IGFALS: variants seen among roughly 807,000 people sequenced by gnomAD.
The protein encoded by IGFALS is insulin like growth factor binding protein acid labile subunit, also known as insulin-like growth factor-binding protein complex acid labile subunit.
In IGFALS, 2 loss-of-function variants were observed where a neutral mutation model predicts 2.6. The observed-to-expected ratio is 0.77, with a 90% CI of 0.32 to 2.44. IGFALS has a LOEUF of 2.44. Ranked by LOEUF, IGFALS falls within the 30% of genes most tolerant of loss-of-function variation. The pLI is 0.11. For synonymous variants in IGFALS, 519 were observed against 431.9 expected, an observed-to-expected ratio of 1.20 and a Z score of -2.50; for missense variants, 996 against 848.7, an observed-to-expected ratio of 1.17 and a Z score of -2.16.
chr16:1,791,464 C>A lies in IGFALS; in HGVS notation c.954G>T (p.Glu318Asp), dbSNP rs1357709177. The change falls in exon 2 of 2, where the codon GAG becomes GAT. Residue 318 changes from glutamate to aspartate, a missense_variant. Transcript: ENST00000215539. ...GGATGCGGTTGTGGCCCAGCTGCAG[C>A]TCCTCCAGGAAGTGCAGGTCCTTGA... ...RTFKDLHFLE[E>D]LQLGHNRIRQ... The A allele has an allele frequency of 6.2e-7, 1 of 1,612,340 alleles. No individual in the cohort carries two copies. Among genetic ancestry groups the A allele is most frequent in the Non-Finnish European group, 8.5e-7 (1 of 1,179,854 alleles).
At chr16:1,792,595 G>A (rs1897259892) in intron 1 of IGFALS, 194 bp from the exon 2 acceptor site, 19 of 1,083,318 alleles carry the variant, frequency 1.8e-5, no homozygotes, top group Non-Finnish European at 2.3e-5. Context: ...CCATGGGACA[G>A]AGGAGTGGCC....
Position 1,792,271 on chromosome 16 carries a change from G to GT in IGFALS, c.146dup (p.Tyr49Ter). ...CGCTGAGCTCATCCGCGTCGTCATC[G>GT]TAGCTGCAGACACAGGCGGCCGGGC... ...PACPAACVCS[Y>*]DDDADELSVF... Residue 49 changes from tyrosine to a stop codon, truncating the protein, a stop_gained and frameshift_variant, in exon 2 of 2, where the codon TAC becomes TAAC. Transcript: ENST00000215539. LOFTEE classifies it low-confidence loss of function (END_TRUNC). The GT allele has an allele frequency of 6.2e-7, 1 of 1,600,808 alleles. No homozygotes were observed. Among genetic ancestry groups the GT allele is most frequent in the African/African-American group, 1.3e-5 (1 of 75,030 alleles).
chr16:1,791,266 G>A lies in IGFALS; in HGVS notation c.1152C>T (p.Gly384=), dbSNP rs772876504. Reference sequence around the variant, plus strand: ...GGTGCAGGCTGTGCAGCTTGCCCAGGCCCCGGAACACCTGCTCCGGAAGGT... The same window carrying A: ...GGTGCAGGCTGTGCAGCTTGCCCAGACCCCGGAACACCTGCTCCGGAAGGT... ...LRNLPEQVFR[G]LGKLHSLHLE... is the part of the protein sequence containing the mutation. Residue 384 remains glycine, a synonymous_variant, in exon 2 of 2, where the codon GGC becomes GGT. Transcript: ENST00000215539. 24 of 1,609,082 alleles carry A rather than the reference G, an allele frequency of 1.5e-5. No homozygotes were observed. The highest frequency in any genetic ancestry group is 2.2e-5 in the East Asian group (1 of 44,880).
chr16:1,791,385 G>T lies in IGFALS; in HGVS notation c.1033C>A (p.Leu345Ile), dbSNP rs745488733. Residue 345 changes from leucine (L) to isoleucine (I), a missense_variant, in exon 2 of 2, where the codon CTA (leucine) becomes ATA (isoleucine). Coordinates refer to ENST00000215539, the MANE Select transcript of IGFALS (RefSeq NM_004970.3). Reference sequence around the variant, plus strand: ...ACCTCCTGGAGCTGGTTGTGGTCTAGCGTGAGCACCTCAAGCTGCCCCAGG... The same window carrying T: ...ACCTCCTGGAGCTGGTTGTGGTCTATCGTGAGCACCTCAAGCTGCCCCAGG... ...EGLGQLEVLT[L>I]DHNQLQEVKA... 4 of 1,610,088 alleles carry T rather than the reference G, an allele frequency of 2.5e-6. No individual in the cohort carries two copies. The highest frequency in any genetic ancestry group is 3.3e-5 in the Admixed American group (2 of 60,028).
Position 1,792,449 on chromosome 16 carries a change from G to A in IGFALS, c.17-48C>T, listed in dbSNP as rs776163888. The stretch of plus-strand genomic sequence containing the variant: ...AGGCGGCCCGAGGAGGGCTCTGCCC[G>A]AGTGAGCCTGATACCAGCACAGCCG... On this transcript the variant is annotated intron_variant, in intron 1 of 1. Coordinates refer to ENST00000215539, the MANE Select transcript of IGFALS (RefSeq NM_004970.3). 1.3e-5 allele frequency: 20 copies of A among 1,496,036 alleles called. 1 individual carries two copies. Among genetic ancestry groups the A allele is most frequent in the Middle Eastern group, 1.8e-4 (1 of 5,486 alleles). 92.7% of individuals were successfully genotyped at this position (1,496,036 alleles called of 1,614,324 possible).
chr16:1,792,010 G>A lies in IGFALS; in HGVS notation c.408C>T (p.Ser136=). 1 of 1,609,314 alleles carries A rather than the reference G, an allele frequency of 6.2e-7. No homozygotes were observed. The part of the protein sequence containing the change: ...HLHLERNQLR[S]LALGTFAHTP... ...TGTGTGCAAACGTGCCGAGTGCCAG[G>A]CTGCGCAGCTGGTTCCGCTCCAGGT... Residue 136 remains serine, a synonymous_variant, in exon 2 of 2, where the codon AGC becomes AGT. Transcript: ENST00000215539.
Position 1,791,989 on chromosome 16 carries a change from T to C in IGFALS, c.429A>G (p.Ala143=). 1 of 1,607,822 alleles carries C rather than the reference T, an allele frequency of 6.2e-7. No homozygotes were observed. Among genetic ancestry groups the C allele is most frequent in the South Asian group, 1.1e-5 (1 of 90,522 alleles). ...CGAGCGAGGCCAGCGCGGGCGTGTG[T>C]GCAAACGTGCCGAGTGCCAGGCTGC... ...QLRSLALGTF[A]HTPALASLGL... Residue 143 remains alanine, a synonymous_variant, in exon 2 of 2, where the codon GCA becomes GCG. Coordinates refer to ENST00000215539, the MANE Select transcript of IGFALS (RefSeq NM_004970.3).
upstream of IGFALS, chr16:1,793,757 G>A: frequency 8.1e-7 from 1 of 1,236,068 alleles, no homozygotes; most frequent in Non-Finnish European, 1.1e-6. Context: ...GCCCGCGCCT[G>A]TCACCTGGCT....
chr16:1,794,231 C>T (rs1897289600), upstream of IGFALS, among the ~76,000 whole-genome samples: 3 of 152,192 alleles, frequency 2.0e-5, no homozygotes, highest in South Asian at 6.2e-4. Context: ...GCTTCAGGCC[C>T]ACGGTGCTGT....
At position 1,793,643 on chromosome 16, in the gene IGFALS, T is replaced by A; in HGVS notation, c.10A>T (p.Arg4Trp). The A allele has an allele frequency of 6.3e-7, 1 of 1,597,042 alleles. No homozygotes were observed. The highest frequency in any genetic ancestry group is 1.1e-5 in the South Asian group (1 of 88,676). The change falls in exon 1 of 2, where the codon AGG becomes TGG. Residue 4 changes from arginine (R) to tryptophan (W), a missense_variant. By Grantham distance (101) the Arg-to-Trp change is moderately radical. Coordinates refer to ENST00000215539, the MANE Select transcript of IGFALS (RefSeq NM_004970.3). MALRKGGLALALLL... is the reference protein window; with the variant it reads MALWKGGLALALLL... ...GGGCACTCGGGGGCCTCACCTTTCC[T>A]CAGGGCCATCCTGCATGCAGGGCAG...
chr16:1,793,711 C>G (rs545739444), upstream of IGFALS: 1 of 1,516,618 alleles, frequency 6.6e-7, no homozygotes, highest in African/African-American at 1.4e-5. Flanking sequence ...GCTGTGCCGG[C>G]CACCCCTGCC....
At chr16:1,793,865 G>A (rs1897283684), upstream of IGFALS, 2 of 442,944 alleles carry the variant, frequency 4.5e-6, no homozygotes, top group Non-Finnish European at 8.0e-6. Flanking sequence ...GGGGGTGAGG[G>A]AGCTTCAGTC....
rs374593776 is a variant in IGFALS, at chr16:1,791,870, G to A, written c.548C>T (p.Ala183Val). Residue 183 changes from alanine (A) to valine (V), a missense_variant, in exon 2 of 2, where the codon GCG becomes GTG. Physicochemically the swap from Ala to Val is moderately conservative, Grantham distance 64. Transcript: ENST00000215539. ...GCGGAACGCCGCATCGGGGAGCACC[G>A]CCAGGCTATTCCAGCCGAGGTTGAG... ...WDLNLGWNSL[A>V]VLPDAAFRGL... The A allele has an allele frequency of 4.1e-5, 64 of 1,559,904 alleles. No homozygotes were observed. The highest frequency in any genetic ancestry group is 2.2e-4 in the African/African-American group (16 of 73,744).
In IGFALS at chr16:1,792,320, G is replaced by A. The variant is rs571191043; in HGVS notation, c.98C>T (p.Pro33Leu). The A allele has an allele frequency of 1.1e-4, 173 of 1,596,208 alleles. No homozygotes were observed. The highest frequency in any genetic ancestry group is 1.3e-4 in the Non-Finnish European group (154 of 1,178,024). The change falls in exon 2 of 2, where the codon CCG becomes CTG. Residue 33 changes from proline to leucine, a missense_variant. By Grantham distance (98) the Pro-to-Leu change is moderately conservative. Coordinates refer to ENST00000215539, the MANE Select transcript of IGFALS (RefSeq NM_004970.3). Reference protein sequence around the residue: ...RSLEGADPGTPGEAEGPACPA... With the variant: ...RSLEGADPGTLGEAEGPACPA... ...GCACGCTGGGCCCTCGGCTTCCCCC[G>A]GCGTTCCGGGGTCTGCTCCCTCCAG...
In IGFALS at chr16:1,791,514, T is replaced by C. The variant is rs986831991; in HGVS notation, c.904A>G (p.Ile302Val). 1 of 1,603,524 alleles carries C rather than the reference T, an allele frequency of 6.2e-7. No individual in the cohort carries two copies. Among genetic ancestry groups the C allele is most frequent in the African/African-American group, 1.3e-5 (1 of 74,794 alleles). ...LRVLRLSHNA[I>V]ASLRPRTFKD... ...AAGGTGCGGGGCCGCAGGCTGGCGA[T>C]GGCGTTGTGGGACAGCCGCAGCACA... Residue 302 changes from isoleucine to valine, a missense_variant, in exon 2 of 2, where the codon ATC becomes GTC. By Grantham distance (29) the Ile-to-Val change is conservative. Coordinates refer to ENST00000215539, the MANE Select transcript of IGFALS (RefSeq NM_004970.3).
Position 1,790,914 on chromosome 16 carries a change from A to C in IGFALS, c.1504T>G (p.Leu502Val). 6.3e-7 allele frequency: 1 copy of C among 1,588,770 alleles called. No individual in the cohort carries two copies. The highest frequency in any genetic ancestry group is 1.3e-5 in the African/African-American group (1 of 74,744). Residue 502 changes from leucine to valine, a missense_variant, in exon 2 of 2, where the codon TTG (leucine) becomes GTG (valine). Leu to Val is a conservative substitution (Grantham distance 32). Transcript: ENST00000215539. ...TAGCGCAGCCGCCCCAGTGGTGCCA[A>C]GAGGCTGTTGGGCAATGCCTCCAGG... is the stretch of plus-strand genomic sequence containing the variant. ...NRLEALPNSL[L>V]APLGRLRYLS...
chr16:1,793,437 C>G (rs1242760900), intron 1 of IGFALS, among the ~76,000 whole-genome samples, 200 bp downstream of exon 1: 1 of 152,096 alleles, frequency 6.6e-6, no homozygotes, highest in East Asian at 1.9e-4. Context: ...ACAGAGACCC[C>G]TGGTGCCAGG....
Position 1,792,121 on chromosome 16 carries a change from G to C in IGFALS, c.297C>G (p.Ser99Arg). 6.2e-7 allele frequency: 1 copy of C among 1,611,380 alleles called. No homozygotes were observed. Among genetic ancestry groups the C allele is most frequent in the Non-Finnish European group, 8.5e-7 (1 of 1,179,604 alleles). ...VPPAAFQNLSSLGFLNLQGGQ... is the reference protein window; with the variant it reads ...VPPAAFQNLSRLGFLNLQGGQ... ...CGCCCTGCAGGTTGAGGAAGCCCAG[G>C]CTGGAGAGGTTCTGGAAGGCTGCCG... The change falls in exon 2 of 2, where the codon AGC (serine) becomes AGG (arginine). Residue 99 changes from serine to arginine, a missense_variant. Physicochemically the swap from Ser to Arg is moderately radical, Grantham distance 110 (BLOSUM62 -1). Transcript: ENST00000215539.
chr16:1,792,017 A>T lies in IGFALS; in HGVS notation c.401T>A (p.Leu134Gln). The T allele has an allele frequency of 6.2e-7, 1 of 1,609,950 alleles. No homozygotes were observed. Among genetic ancestry groups the T allele is most frequent in the South Asian group, 1.1e-5 (1 of 90,808 alleles). ...AAACGTGCCGAGTGCCAGGCTGCGC[A>T]GCTGGTTCCGCTCCAGGTGCAGGTG... ...LCHLHLERNQ[L>Q]RSLALGTFAH... is the part of the protein sequence containing the mutation. The change falls in exon 2 of 2, where the codon CTG (leucine) becomes CAG (glutamine). Residue 134 changes from leucine (L) to glutamine (Q), a missense_variant. By Grantham distance (113) the Leu-to-Gln change is moderately radical. Transcript: ENST00000215539.
Sources: allele counts gnomAD v4.1 joint callset (sites outside exome capture counted in the v4.1 genomes callset), GRCh38; gene constraint gnomAD v4.1.1; transcripts MANE v1.5; gene names NCBI Gene and HGNC (gene_info 2026-07-23, HGNC 2026-07-21).